UNC5A: variants seen among roughly 807,000 people sequenced by gnomAD.
UNC5A encodes the protein netrin receptor UNC5A.
UNC5A carries 20 observed loss-of-function variants against 87.4 expected under a neutral mutation model. That is an observed-to-expected ratio of 0.23 (90% CI 0.16 to 0.33). UNC5A has a LOEUF of 0.33. Ranked by LOEUF, UNC5A falls within the 10% of genes least tolerant of loss-of-function variation. The pLI is 1.00. For synonymous variants in UNC5A, 438 were observed against 482.3 expected, an observed-to-expected ratio of 0.91 and a Z score of 1.20; for missense variants, 844 against 1,133.4, an observed-to-expected ratio of 0.74 and a Z score of 3.67.
intron 1 of UNC5A, among the ~76,000 whole-genome samples, chr5:176,845,233 C>G (rs1034252611): frequency 1.3e-4 from 20 of 152,194 alleles, no homozygotes; most frequent in African/African-American, 4.6e-4. Flanking sequence ...TCCACCAGCC[C>G]CACGACAGAG....
intron 1 of UNC5A, among the ~76,000 whole-genome samples, chr5:176,818,965 C>A (rs1756662361): frequency 6.6e-6 from 1 of 152,252 alleles, no homozygotes; most frequent in South Asian, 2.1e-4. Flanking sequence ...GCCCGGGCCA[C>A]ACTTCTTCAG....
At chr5:176,833,673 T>C (rs1757077712) in intron 1 of UNC5A, among the ~76,000 whole-genome samples, 1 of 152,094 alleles carries the variant, frequency 6.6e-6, no homozygotes, top group African/African-American at 2.4e-5. Context: ...CTGCACTCAT[T>C]AGCTCAGTCA....
chr5:176,861,084 T>C (rs1757825559), intron 1 of UNC5A, among the ~76,000 whole-genome samples: 1 of 152,150 alleles, frequency 6.6e-6, no homozygotes, highest in South Asian at 2.1e-4. Context: ...CCCTCTGCCA[T>C]CCCTAAGGCA....
intron 1 of UNC5A, among the ~76,000 whole-genome samples, chr5:176,852,663 G>A (rs1335433166): frequency 6.6e-6 from 1 of 152,264 alleles, no homozygotes; most frequent in African/African-American, 2.4e-5. Context: ...CCCCTCAGCA[G>A]GAAGGGGCCC....
chr5:176,817,477 A>T lies in UNC5A; in HGVS notation c.70+6657A>T, dbSNP rs996519673. On this transcript the variant is annotated intron_variant, in intron 1 of 14. Transcript: ENST00000329542. ...TCTACGGGAGTACTCCCTGAATTAG[A>T]CTCTACCCCTCCTAATCGGGGCAGG... Among the ~76,000 whole-genome samples, 12 of 151,226 alleles carry T rather than the reference A, an allele frequency of 7.9e-5. 1 individual carries two copies. The highest frequency in any genetic ancestry group is 7.3e-5 in the African/African-American group (3 of 41,058).
chr5:176,830,540 GTGTGCA>G (rs1354591158), intron 1 of UNC5A, among the ~76,000 whole-genome samples: 2 of 142,356 alleles, frequency 1.4e-5, no homozygotes, highest in Admixed American at 7.3e-5. Context: ...GTGTTGGTGT[GTGTGCA>G]TGTGCATGTG....
At position 176,830,662 on chromosome 5, in the gene UNC5A, GC is replaced by G. The variant is rs1756987183; in HGVS notation, c.70+19843del. ...CTGGCGTGTGCATTTGTGTGTGTGT[GC>G]TGGTGTGTGTGGGAGTGTGTGCTGG... On this transcript the variant is annotated intron_variant, in intron 1 of 14. Transcript: ENST00000329542. Among the ~76,000 whole-genome samples the G allele has an allele frequency of 2.1e-5, 3 of 145,114 alleles. No homozygotes were observed. In the South Asian group the frequency reaches 6.8e-4, roughly 33 times the overall value.
chr5:176,877,730 A>T (rs1347589469), intron 10 of UNC5A, 27 bp downstream of exon 10: 16 of 1,569,092 alleles, frequency 1.0e-5, no homozygotes, highest in Non-Finnish European at 1.3e-5. Flanking sequence ...CCCGGGCTCC[A>T]GAAGGGAACG....
intron 6 of UNC5A, among the ~76,000 whole-genome samples, chr5:176,870,879 C>T (rs1758095011): frequency 6.8e-6 from 1 of 147,862 alleles, no homozygotes; most frequent in Non-Finnish European, 1.5e-5. Flanking sequence ...CCCATCTGCC[C>T]ACGCTCACCC....
chr5:176,861,596 GA>G (rs1757842142), intron 1 of UNC5A, among the ~76,000 whole-genome samples: 1 of 152,192 alleles, frequency 6.6e-6, no homozygotes, highest in African/African-American at 2.4e-5. Context: ...GTGGGTTTTG[GA>G]TCACCCGTGG....
At chr5:176,846,903 G>C (rs1757418310) in intron 1 of UNC5A, among the ~76,000 whole-genome samples, 1 of 152,212 alleles carries the variant, frequency 6.6e-6, no homozygotes, top group African/African-American at 2.4e-5. Flanking sequence ...GGGCTGCTCT[G>C]AGAGGCTGGA....
At chr5:176,832,046 G>A (rs1458107599) in intron 1 of UNC5A, among the ~76,000 whole-genome samples, 1 of 151,942 alleles carries the variant, frequency 6.6e-6, no homozygotes, top group African/African-American at 2.4e-5. Flanking sequence ...ACAGGTGCCT[G>A]CAACCACGCC....
intron 1 of UNC5A, among the ~76,000 whole-genome samples, chr5:176,830,049 A>T (rs1175213160): frequency 6.6e-6 from 1 of 151,660 alleles, no homozygotes; most frequent in Non-Finnish European, 1.5e-5. Context: ...TAATTTTTGT[A>T]TTTTTAATAG....
In UNC5A at chr5:176,877,255, C is replaced by T. The variant is rs374276085; in HGVS notation, c.1442C>T (p.Thr481Met). 13 of 1,612,502 alleles carry T rather than the reference C, an allele frequency of 8.1e-6. No individual in the cohort carries two copies. The highest frequency in any genetic ancestry group is 1.7e-5 in the Admixed American group (1 of 59,984). ...PRGKIYEIYL[T>M]LHKPEDVRLP... ...GGGAAGATCTATGAGATCTACCTCACGCTGCACAAGCCGGAAGACGTGAGG... is the reference window on the plus strand; with the variant it reads ...GGGAAGATCTATGAGATCTACCTCATGCTGCACAAGCCGGAAGACGTGAGG... The change falls in exon 9 of 15, where the codon ACG becomes ATG. Residue 481 changes from threonine (T) to methionine (M), a missense_variant. By Grantham distance (81) the Thr-to-Met change is moderately conservative (BLOSUM62 -1). Coordinates refer to ENST00000329542, the MANE Select transcript of UNC5A (RefSeq NM_133369.3).
chr5:176,873,292 T>C (rs1758177179), intron 6 of UNC5A, among the ~76,000 whole-genome samples: 3 of 151,950 alleles, frequency 2.0e-5, no homozygotes. Context: ...TACAAGGCCA[T>C]AACTAACAAT....
At position 176,879,296 on chromosome 5, in the gene UNC5A, C is replaced by T. The variant is rs979834426; in HGVS notation, c.2185-14C>T. The T allele has an allele frequency of 1.3e-6, 2 of 1,572,932 alleles. No individual in the cohort carries two copies. Among genetic ancestry groups the T allele is most frequent in the Non-Finnish European group, 1.7e-6 (2 of 1,159,636 alleles). On this transcript the variant is annotated splice_polypyrimidine_tract_variant and intron_variant, in intron 13 of 14. Transcript: ENST00000329542. ...GAAAGTTCTAACAGGCACCTCTTTCCCTCCCACCTCCAGGACACAAGGTTT... is the reference window on the plus strand; with the variant it reads ...GAAAGTTCTAACAGGCACCTCTTTCTCTCCCACCTCCAGGACACAAGGTTT...
intron 1 of UNC5A, among the ~76,000 whole-genome samples, chr5:176,853,860 G>A (rs1757603306): frequency 6.6e-6 from 1 of 152,188 alleles, no homozygotes; most frequent in African/African-American, 2.4e-5. Context: ...TGGACAGAGG[G>A]ATGGACCAAG....
chr5:176,823,847 G>A (rs912315481), intron 1 of UNC5A, among the ~76,000 whole-genome samples: 3 of 152,156 alleles, frequency 2.0e-5, no homozygotes, highest in Non-Finnish European at 4.4e-5. Flanking sequence ...CTTTCTGGAC[G>A]GATGGCTCCA....
chr5:176,826,117 T>C (rs1756846747), intron 1 of UNC5A, among the ~76,000 whole-genome samples: 1 of 152,232 alleles, frequency 6.6e-6, no homozygotes. Context: ...TGTTCATTTA[T>C]ACATGCATAG....
Sources: gnomAD v4.1 joint callset for allele counts (sites outside exome capture counted in the v4.1 genomes callset) on GRCh38, gnomAD v4.1.1 for gene constraint, MANE v1.5 for transcripts, NCBI Gene and HGNC (gene_info 2026-07-23, HGNC 2026-07-21) for gene names.